SANBR: variants seen among roughly 807,000 people sequenced by gnomAD.
SANBR encodes SANT and BTB domain regulator of class switch recombination.
Under a neutral mutation model 101.8 loss-of-function variants are expected in SANBR, and 77 were observed. The ratio of observed to expected loss-of-function variants is 0.76; its 90% CI spans 0.63 to 0.91. The LOEUF (loss-of-function observed/expected upper bound fraction) is 0.91. Ranked by LOEUF, SANBR falls within the 40% of genes least tolerant of loss-of-function variation. The pLI is 0.00. For synonymous variants in SANBR, 279 were observed against 274.7 expected (o/e 1.02, Z -0.15); for missense variants, 875 against 853.0 (o/e 1.03, Z -0.32).
At chr2:61,124,703 C>CAAAA (rs777185693), downstream of SANBR, among the ~76,000 whole-genome samples, 1 of 96,118 alleles carries the variant, frequency 1.0e-5, no homozygotes. Context: ...AAGACCCTAT[C>CAAAA]AAAAAAAAAA....
chr2:61,117,794 A>T (rs1460310080), intron 19 of SANBR, among the ~76,000 whole-genome samples: 7 of 152,200 alleles, frequency 4.6e-5, no homozygotes, highest in Non-Finnish European at 7.3e-5. Flanking sequence ...CATAAAGATG[A>T]CTGAATATGT....
chr2:61,110,887 C>A (rs1683799241), intron 16 of SANBR, among the ~76,000 whole-genome samples: 2 of 151,466 alleles, frequency 1.3e-5, no homozygotes, highest in Admixed American at 1.3e-4. Context: ...AAGTTAGATA[C>A]AAAATTGATC....
Position 61,116,015 on chromosome 2 carries a change from CA to C in SANBR, c.1787del (p.Lys596SerfsTer28). On this transcript the variant is annotated frameshift_variant, in exon 17 of 22. Coordinates refer to ENST00000402291, the MANE Select transcript of SANBR (RefSeq NM_001129993.3). LOFTEE classifies it high-confidence loss of function. ...KEKPKKFTRQ[P>X]KKQVSSPCAQ... ...AAGCCAAAGAAGTTCACTAGACAAC[CA>C]AAAAAGCAGGTATCTTCACCCTGTG... 6.2e-7 allele frequency: 1 copy of C among 1,611,650 alleles called. No individual in the cohort carries two copies. Among genetic ancestry groups the C allele is most frequent in the Non-Finnish European group, 8.5e-7 (1 of 1,179,216 alleles).
At chr2:61,094,103 C>T (rs1297048774) in intron 11 of SANBR, 8 of 980,142 alleles carry the variant, frequency 8.2e-6, no homozygotes, top group Non-Finnish European at 9.7e-6. Context: ...AGTTCCCACT[C>T]AATGGGTTCT....
intron 10 of SANBR, chr2:61,089,141 A>T (rs1682607751): frequency 1.0e-6 from 1 of 984,102 alleles, no homozygotes; most frequent in Non-Finnish European, 1.2e-6. Flanking sequence ...ACTTTCAGGT[A>T]AATTTTGGTG....
chr2:61,116,014 C>G lies in SANBR; in HGVS notation c.1780C>G (p.Pro594Ala). The G allele has an allele frequency of 6.2e-7, 1 of 1,611,722 alleles. No individual in the cohort carries two copies. The highest frequency in any genetic ancestry group is 8.5e-7 in the Non-Finnish European group (1 of 1,179,220). Residue 594 changes from proline (P) to alanine (A), a missense_variant, in exon 17 of 22, where the codon CCA (proline) becomes GCA (alanine). Pro to Ala is a conservative substitution (Grantham distance 27, BLOSUM62 -1). Transcript: ENST00000402291. ...GAAGCCAAAGAAGTTCACTAGACAA[C>G]CAAAAAAGCAGGTATCTTCACCCTG... The part of the protein sequence containing the change: ...KEKPKKFTRQ[P>A]KKQVSSPCAQ...
At chr2:61,082,214 G>A (rs1414317079) in intron 7 of SANBR, among the ~76,000 whole-genome samples, 3 of 152,110 alleles carry the variant, frequency 2.0e-5, no homozygotes, top group African/African-American at 7.2e-5. Context: ...AGCCCAGCTG[G>A]TATCAGGGAA....
At chr2:61,070,809 A>G (rs927310305) in intron 3 of SANBR, among the ~76,000 whole-genome samples, 6 of 150,502 alleles carry the variant, frequency 4.0e-5, no homozygotes, top group East Asian at 1.9e-4. Context: ...GGATCTCTCT[A>G]TCATCCCAGG....
chr2:61,105,480 C>A (rs1282091373), intron 13 of SANBR, among the ~76,000 whole-genome samples: 1 of 151,582 alleles, frequency 6.6e-6, no homozygotes, highest in African/African-American at 2.4e-5. Context: ...CATTCTCCTG[C>A]CTCAGCCTCC....
intron 16 of SANBR, among the ~76,000 whole-genome samples, chr2:61,110,434 C>T (rs1683774382): frequency 6.6e-6 from 1 of 152,038 alleles, no homozygotes. Flanking sequence ...AATCTCAGCA[C>T]TTTAGGAGGC....
intron 11 of SANBR, chr2:61,094,049 G>T (rs1682908438): frequency 1.0e-6 from 1 of 978,378 alleles, no homozygotes; most frequent in African/African-American, 1.8e-5. Flanking sequence ...AGGGAAGGAA[G>T]AACAGCTTGT....
intron 5 of SANBR, chr2:61,074,974 T>A (rs1229903334): frequency 1.3e-5 from 2 of 152,052 alleles, no homozygotes; most frequent in Non-Finnish European, 2.9e-5. Flanking sequence ...ATTCTTTTTT[T>A]TTTTTTAGAG....
intron 5 of SANBR, 53 bp from the exon 6 acceptor site, chr2:61,076,867 A>G (rs1729657): frequency 0.57 from 727,396 of 1,285,858 alleles, 212,978 homozygotes; most frequent in African/African-American, 0.89. Context: ...AGTATTCTTG[A>G]CTCCTTTTCT....
intron 2 of SANBR, 128 bp from the exon 3 acceptor site, chr2:61,070,214 G>T: frequency 1.7e-6 from 1 of 576,748 alleles, no homozygotes; most frequent in Non-Finnish European, 2.8e-6. Flanking sequence ...GTTTATTTTA[G>T]GTCAGTTTTA....
intron 13 of SANBR, among the ~76,000 whole-genome samples, chr2:61,105,413 C>T (rs1029554455): frequency 2.0e-5 from 3 of 151,872 alleles, no homozygotes; most frequent in Non-Finnish European, 4.4e-5. Flanking sequence ...GTTGCCCAGG[C>T]TGGAGTGCGG....
At chr2:61,076,584 C>T (rs1681792254) in intron 5 of SANBR, among the ~76,000 whole-genome samples, 2 of 147,576 alleles carry the variant, frequency 1.4e-5, no homozygotes, top group East Asian at 4.0e-4. Context: ...GCCGAGATCA[C>T]GTCACTGCAG....
intron 12 of SANBR, among the ~76,000 whole-genome samples, chr2:61,098,974 A>G (rs1457481442): frequency 6.6e-6 from 1 of 152,244 alleles, no homozygotes; most frequent in African/African-American, 2.4e-5. Context: ...GATGTCAAGG[A>G]AATCCTCAAA....
Position 61,119,411 on chromosome 2 carries a change from G to A in SANBR, c.2028+1295G>A, listed in dbSNP as rs146230782. 9.3e-3 allele frequency among the ~76,000 whole-genome samples: 1,409 copies of A among 152,058 alleles called. 22 individuals carry two copies. The highest frequency in any genetic ancestry group is 0.032 in the African/African-American group (1,319 of 41,464). On this transcript the variant is annotated intron_variant, in intron 20 of 21. Coordinates refer to ENST00000402291, the MANE Select transcript of SANBR (RefSeq NM_001129993.3). Reference sequence around the variant, plus strand: ...CATTTAAAATTTCTACTTTTCAAAAGACACTATTTAGACAATGAAAAGACA... The same window carrying A: ...CATTTAAAATTTCTACTTTTCAAAAAACACTATTTAGACAATGAAAAGACA...
At chr2:61,129,807 G>A (rs756315614) in intron 20 of SANBR, among the ~76,000 whole-genome samples, 1 of 151,664 alleles carries the variant, frequency 6.6e-6, no homozygotes, top group African/African-American at 2.4e-5. Context: ...TATATTTATA[G>A]GCTAATGCAA....
Sources: gnomAD v4.1 joint callset for allele counts (sites outside exome capture counted in the v4.1 genomes callset) on GRCh38, gnomAD v4.1.1 for gene constraint, MANE v1.5 for transcripts, NCBI Gene and HGNC (gene_info 2026-07-23, HGNC 2026-07-21) for gene names.